The following AK5 variants were observed in gnomAD, a reference collection of about 807,000 sequenced individuals.
AK5 encodes the protein adenylate kinase 5, also known as adenylate kinase isoenzyme 5.
Under a neutral mutation model 69.5 loss-of-function variants are expected in AK5, and 27 were observed. The observed-to-expected ratio is 0.39, with a 90% confidence interval of 0.29 to 0.54. The LOEUF (loss-of-function observed/expected upper bound fraction) is 0.54. Among genes scored for constraint, AK5 ranks in the 20% least tolerant of loss-of-function variants. The pLI, the probability that AK5 is intolerant of heterozygous loss-of-function variation, is 0.71. For missense variants in AK5, 531 were observed against 700.4 expected, an observed-to-expected ratio of 0.76 and a Z score of 2.73; for synonymous variants, 260 against 244.4, an observed-to-expected ratio of 1.06 and a Z score of -0.60.
intron 6 of AK5, among the ~76,000 whole-genome samples, chr1:77,398,664 T>C (rs967735055): frequency 6.6e-6 from 1 of 152,240 alleles, no homozygotes; most frequent in African/African-American, 2.4e-5. Context: ...GTGTAATTCT[T>C]GTCTAAAACG....
At chr1:77,482,901 G>A (rs113591128) in intron 8 of AK5, among the ~76,000 whole-genome samples, 6 of 147,676 alleles carry the variant, frequency 4.1e-5, no homozygotes, top group Non-Finnish European at 5.9e-5. Flanking sequence ...TCATAAAACC[G>A]CTGTGATCAC....
chr1:77,523,510 T>G (rs1658109500), intron 12 of AK5, among the ~76,000 whole-genome samples: 1 of 152,218 alleles, frequency 6.6e-6, no homozygotes, highest in Non-Finnish European at 1.5e-5. Context: ...TTCTACTTTT[T>G]AAATAATTGT....
At chr1:77,464,910 G>C (rs1654048717) in intron 8 of AK5, among the ~76,000 whole-genome samples, 1 of 152,140 alleles carries the variant, frequency 6.6e-6, no homozygotes, top group Admixed American at 6.5e-5. Context: ...GAACAAGGGA[G>C]AGCGAATATC....
chr1:77,556,072 G>T (rs1279786051), intron 13 of AK5, among the ~76,000 whole-genome samples: 2 of 152,084 alleles, frequency 1.3e-5, no homozygotes, highest in African/African-American at 2.4e-5. Flanking sequence ...AGGGGAAAAA[G>T]AACTTTAAAA....
intron 1 of AK5, chr1:77,282,622 A>T: frequency 7.8e-7 from 1 of 1,275,940 alleles, no homozygotes. Context: ...CAGGGTTCTG[A>T]AAGCAGCCTG....
chr1:77,499,765 G>A (rs958043694), intron 10 of AK5, among the ~76,000 whole-genome samples: 29 of 151,594 alleles, frequency 1.9e-4, no homozygotes, highest in African/African-American at 6.8e-4. Flanking sequence ...AGACCCCTTG[G>A]GAACCTCTTC....
intron 1 of AK5, among the ~76,000 whole-genome samples, chr1:77,285,692 T>A (rs1200878634): frequency 6.6e-6 from 1 of 152,144 alleles, no homozygotes; most frequent in Non-Finnish European, 1.5e-5. Context: ...TCAGACACCA[T>A]GAACCAAAAA....
intron 6 of AK5, among the ~76,000 whole-genome samples, chr1:77,378,842 T>G (rs945600092): frequency 6.6e-6 from 1 of 152,124 alleles, no homozygotes; most frequent in Non-Finnish European, 1.5e-5. Flanking sequence ...GAGGGGAGTT[T>G]TAGATAGGCA....
chr1:77,410,970 A>T lies in AK5; in HGVS notation c.892-11A>T. ...TCACATTCCAAACTTGTCTGTCCTGATTTCCCCCAGTTTGATGCCGACCGC... is the reference window on the plus strand; with the variant it reads ...TCACATTCCAAACTTGTCTGTCCTGTTTTCCCCCAGTTTGATGCCGACCGC... On this transcript the variant is annotated splice_polypyrimidine_tract_variant and intron_variant, in intron 6 of 13. Coordinates refer to ENST00000354567, the MANE Select transcript of AK5 (RefSeq NM_174858.3). 1.2e-6 allele frequency: 2 copies of T among 1,611,906 alleles called. No homozygotes were observed. Among genetic ancestry groups the T allele is most frequent in the Non-Finnish European group, 1.7e-6 (2 of 1,178,740 alleles).
At chr1:77,439,766 A>G (rs1652195413) in intron 8 of AK5, among the ~76,000 whole-genome samples, 1 of 151,844 alleles carries the variant, frequency 6.6e-6, no homozygotes, top group South Asian at 2.1e-4. Flanking sequence ...ATATGTATGT[A>G]TATACATATA....
Position 77,516,125 on chromosome 1 carries a change from A to G in AK5, c.1148-2439A>G, listed in dbSNP as rs116071963. ...TGGGTAAAAAAATGTGCTAGAATAT[A>G]GAATATTATTCAGCCATAAAAAGAC... On this transcript the variant is annotated intron_variant, in intron 10 of 13. Transcript: ENST00000354567. 5.0e-3 allele frequency among the ~76,000 whole-genome samples: 761 copies of G among 152,358 alleles called. 4 individuals carry two copies. The highest frequency in any genetic ancestry group is 0.017 in the African/African-American group (725 of 41,582).
chr1:77,341,497 A>G (rs911836796), intron 6 of AK5, among the ~76,000 whole-genome samples: 1 of 152,176 alleles, frequency 6.6e-6, no homozygotes, highest in Non-Finnish European at 1.5e-5. Context: ...AAAGCGATGC[A>G]TGCCCATCCC....
chr1:77,558,668 T>TGAA lies in AK5; in HGVS notation c.1689_*2dup. ...CTGCACAGCTATTGACTCTATTTTC[T>TGAA]GAAGGCAAAAATGCATGTTTGTTAG... On this transcript the variant is annotated inframe_insertion and stop_retained_variant, in exon 14 of 14. Transcript: ENST00000354567. 1 of 1,585,920 alleles carries TGAA rather than the reference T, an allele frequency of 6.3e-7. No homozygotes were observed. The highest frequency in any genetic ancestry group is 1.7e-4 in the Middle Eastern group (1 of 6,018).
rs538845905 is a variant in AK5, at chr1:77,422,077, C to T, written c.1059+4362C>T. Reference sequence around the variant, plus strand: ...GTTCTTCCTATTTCTGTGAATGATACCACCATTCTCCAGCTGCCCAAGCCA... The same window carrying T: ...GTTCTTCCTATTTCTGTGAATGATATCACCATTCTCCAGCTGCCCAAGCCA... On this transcript the variant is annotated intron_variant, in intron 8 of 13. Coordinates refer to ENST00000354567, the MANE Select transcript of AK5 (RefSeq NM_174858.3). Among the ~76,000 whole-genome samples the T allele has an allele frequency of 1.4e-4, 22 of 152,266 alleles. No individual in the cohort carries two copies. The South Asian group carries it at 4.4e-3, about 30-fold the overall frequency.
chr1:77,545,907 A>G (rs1369144856), intron 13 of AK5, among the ~76,000 whole-genome samples: 1 of 152,164 alleles, frequency 6.6e-6, no homozygotes, highest in African/African-American at 2.4e-5. Context: ...GAGGAACCCT[A>G]AGGTTCTATC....
At chr1:77,369,174 T>C (rs984116661) in intron 6 of AK5, among the ~76,000 whole-genome samples, 2 of 152,176 alleles carry the variant, frequency 1.3e-5, no homozygotes, top group African/African-American at 4.8e-5. Context: ...TTATCCACTT[T>C]ACAGATCAGA....
At chr1:77,509,255 T>A (rs1225969328) in intron 10 of AK5, among the ~76,000 whole-genome samples, 2 of 152,236 alleles carry the variant, frequency 1.3e-5, no homozygotes, top group Non-Finnish European at 2.9e-5. Context: ...AGTTTTTCCA[T>A]ATAACCTTCA....
chr1:77,396,177 G>A (rs1648817037), intron 6 of AK5, among the ~76,000 whole-genome samples: 2 of 152,204 alleles, frequency 1.3e-5, no homozygotes, highest in African/African-American at 2.4e-5. Flanking sequence ...CCATAGAGTT[G>A]AGTCAGCTAA....
rs77349989 is a variant in AK5, at chr1:77,447,603, G to A, written c.1059+29888G>A. ...TCAGACAGGTATTATAATTAATTTC[G>A]TGGCTTCTCTAACATCTTATTAACC... On this transcript the variant is annotated intron_variant, in intron 8 of 13. Transcript: ENST00000354567. Among the ~76,000 whole-genome samples the A allele has an allele frequency of 5.9e-3, 905 of 152,224 alleles. 7 individuals carry two copies. The highest frequency in any genetic ancestry group is 0.021 in the African/African-American group (868 of 41,526).
Sources: gnomAD v4.1 joint callset for allele counts (sites outside exome capture counted in the v4.1 genomes callset) on GRCh38, gnomAD v4.1.1 for gene constraint, MANE v1.5 for transcripts, NCBI Gene and HGNC (gene_info 2026-07-23, HGNC 2026-07-21) for gene names.